ADGRG6: variants seen among roughly 807,000 people sequenced by gnomAD.
ADGRG6 encodes the protein adhesion G protein-coupled receptor G6, also known as G-protein coupled receptor 126.
A neutral mutation model predicts 142.4 loss-of-function variants in ADGRG6; 84 were observed. The ratio of observed to expected loss-of-function variants is 0.59; its 90% confidence interval spans 0.49 to 0.71. The LOEUF (loss-of-function observed/expected upper bound fraction) is 0.71, where lower values mean the gene tolerates loss of function less well. Ranked by LOEUF, ADGRG6 falls within the 30% of genes least tolerant of loss-of-function variation. The pLI is 0.00. For missense variants in ADGRG6, 1,367 were observed against 1,466.6 expected, an observed-to-expected ratio of 0.93 and a Z score of 1.11; for synonymous variants, 521 against 520.5, an observed-to-expected ratio of 1.00 and a Z score of -0.01.
chr6:142,374,873 T>G (rs1205860385), intron 4 of ADGRG6, among the ~76,000 whole-genome samples: 1 of 152,242 alleles, frequency 6.6e-6, no homozygotes. Context: ...TATGAGCTAA[T>G]TAACTTTCAT....
intron 2 of ADGRG6, among the ~76,000 whole-genome samples, chr6:142,314,606 T>C (rs913140066): frequency 2.0e-5 from 3 of 152,182 alleles, no homozygotes; most frequent in African/African-American, 7.2e-5. Flanking sequence ...CGTGTATCAA[T>C]TTGTTTGTTT....
intron 2 of ADGRG6, among the ~76,000 whole-genome samples, chr6:142,338,254 C>T (rs569158969): frequency 9.3e-5 from 14 of 150,864 alleles, no homozygotes; most frequent in South Asian, 2.1e-4. Context: ...GTGATCCGTC[C>T]GCCTCGGCCT....
At chr6:142,335,896 G>A (rs943208837) in intron 2 of ADGRG6, among the ~76,000 whole-genome samples, 19 of 152,138 alleles carry the variant, frequency 1.2e-4, no homozygotes, top group African/African-American at 4.6e-4. Context: ...GATCCTTTGG[G>A]AGCCCCTGTA....
At chr6:142,384,594 A>G (rs1215603978) in intron 6 of ADGRG6, among the ~76,000 whole-genome samples, 1 of 152,178 alleles carries the variant, frequency 6.6e-6, no homozygotes, top group Non-Finnish European at 1.5e-5. Context: ...TTCTTCTAAT[A>G]AAAGAGAAAT....
chr6:142,419,434 C>G (rs761631956), intron 21 of ADGRG6, among the ~76,000 whole-genome samples: 1 of 152,116 alleles, frequency 6.6e-6, no homozygotes, highest in African/African-American at 2.4e-5. Context: ...TGTCATACAG[C>G]CACTCCTTAA....
intron 22 of ADGRG6, among the ~76,000 whole-genome samples, chr6:142,433,167 C>T (rs769905523): frequency 3.3e-5 from 5 of 152,130 alleles, no homozygotes; most frequent in Non-Finnish European, 7.4e-5. Context: ...ATTCTGACCC[C>T]GTTAAGGGAA....
chr6:142,355,869 C>A (rs1268403665), intron 2 of ADGRG6, among the ~76,000 whole-genome samples: 1 of 151,856 alleles, frequency 6.6e-6, no homozygotes, highest in Non-Finnish European at 1.5e-5. Flanking sequence ...TTATACTGTC[C>A]TGGAAAGTTA....
chr6:142,422,190 T>C (rs1776688247), intron 22 of ADGRG6, among the ~76,000 whole-genome samples: 1 of 152,022 alleles, frequency 6.6e-6, no homozygotes. Flanking sequence ...ATACTTTAAG[T>C]TTTAGGGTAC....
At chr6:142,348,571 T>C (rs1036202865) in intron 2 of ADGRG6, among the ~76,000 whole-genome samples, 1 of 152,012 alleles carries the variant, frequency 6.6e-6, no homozygotes, top group African/African-American at 2.4e-5. Flanking sequence ...ACTTCTTCCA[T>C]GTGCTTCAAA....
intron 22 of ADGRG6, among the ~76,000 whole-genome samples, chr6:142,427,437 A>G (rs1469691154): frequency 6.6e-6 from 1 of 152,104 alleles, no homozygotes; most frequent in Non-Finnish European, 1.5e-5. Context: ...CCTTGACCTT[A>G]TTGTCCATAT....
intron 22 of ADGRG6, among the ~76,000 whole-genome samples, chr6:142,424,723 T>A (rs186549207): frequency 6.6e-6 from 1 of 152,224 alleles, no homozygotes; most frequent in East Asian, 1.9e-4. Context: ...TTTCTATTGA[T>A]TGGAATAATT....
At chr6:142,409,826 A>G (rs1583110580) in intron 16 of ADGRG6, 48 bp from the exon 17 acceptor site, 2 of 816,860 alleles carry the variant, frequency 2.4e-6, no homozygotes, top group South Asian at 1.8e-5. Context: ...TATTTAAATC[A>G]TGGCATTTTA....
At position 142,445,645 on chromosome 6, in the gene ADGRG6, T is replaced by C. The variant is rs1476783176; in HGVS notation, c.*2130T>C. 1 of 152,084 alleles carries C rather than the reference T, an allele frequency of 6.6e-6. No homozygotes were observed. Among genetic ancestry groups the C allele is most frequent in the East Asian group, 1.9e-4 (1 of 5,198 alleles). The allele number at this position is 152,084 out of a possible 1,614,324, so 9.4% of individuals were successfully genotyped here. A position where few individuals can be genotyped will look rare whatever the true frequency, so the allele number is the denominator to read the frequency against. On this transcript the variant is annotated 3_prime_UTR_variant, in exon 25 of 25. Transcript: ENST00000367609. ...ACCAGATGAGAAAAAAATTAAGAAATTGCTCAAGGGAAACATTTGTAAATG... is the reference window on the plus strand; with the variant it reads ...ACCAGATGAGAAAAAAATTAAGAAACTGCTCAAGGGAAACATTTGTAAATG...
chr6:142,402,832 T>A lies in ADGRG6; in HGVS notation c.1955+2T>A. On this transcript the variant is annotated splice_donor_variant, in intron 13 of 24. Transcript: ENST00000367609. LOFTEE classifies it high-confidence loss of function. ...TGACTTGCTTGAGTCATCTTCTGAG[T>A]AAGTATTTTTTTTTTCCTGGAGAGT... 6.6e-7 allele frequency: 1 copy of A among 1,517,800 alleles called. No individual in the cohort carries two copies. Among genetic ancestry groups the A allele is most frequent in the Non-Finnish European group, 9.0e-7 (1 of 1,114,836 alleles). 94.0% of individuals were successfully genotyped at this position (1,517,800 alleles called of 1,614,324 possible). A position where few individuals can be genotyped will look rare whatever the true frequency, so the allele number is the denominator to read the frequency against.
chr6:142,338,038 T>TTTTTTTTTTTTTTTTTTTTTTAA, intron 2 of ADGRG6, among the ~76,000 whole-genome samples: 1 of 123,690 alleles, frequency 8.1e-6, no homozygotes, highest in Non-Finnish European at 1.7e-5. Flanking sequence ...TTTTTTTTTT[T>TTTTTTTTTTTTTTTTTTTTTTAA]GAGACGGAGT....
intron 2 of ADGRG6, among the ~76,000 whole-genome samples, chr6:142,349,509 G>T (rs536222564): frequency 6.6e-6 from 1 of 152,210 alleles, no homozygotes; most frequent in Non-Finnish European, 1.5e-5. Flanking sequence ...TAGGTGAGGT[G>T]TCTCTCTTCA....
At chr6:142,311,645 TTTA>T (rs1006886647) in intron 2 of ADGRG6, among the ~76,000 whole-genome samples, 1 of 152,000 alleles carries the variant, frequency 6.6e-6, no homozygotes, top group African/African-American at 2.4e-5. Flanking sequence ...TATATCCCTG[TTTA>T]CACTTTTGTT....
chr6:142,400,518 A>G lies in ADGRG6; in HGVS notation c.1601A>G (p.Tyr534Cys), dbSNP rs372666875. Residue 534 changes from tyrosine (Y) to cysteine (C), a missense_variant, in exon 11 of 25, where the codon TAC becomes TGC. Transcript: ENST00000367609. ...HCLAMEEPKG[Y>C]YWPSIQPSEY... ...CTTGCCATGGAGGAACCCAAAGGCT[A>G]CTACTGGCCATCTATCCAACCTTCT... 26 of 1,597,344 alleles carry G rather than the reference A, an allele frequency of 1.6e-5. No individual in the cohort carries two copies. The African/African-American group carries it at 3.1e-4, about 19-fold the overall frequency.
At chr6:142,436,386 G>A (rs78087780) in intron 22 of ADGRG6, among the ~76,000 whole-genome samples, 10,942 of 152,184 alleles carry the variant, frequency 0.072, 550 homozygotes, top group East Asian at 0.25. Flanking sequence ...CTGCCGAGAC[G>A]TCTAGTAAAG....
Sources: allele counts gnomAD v4.1 joint callset (sites outside exome capture counted in the v4.1 genomes callset), GRCh38; gene constraint gnomAD v4.1.1; transcripts MANE v1.5; gene names NCBI Gene and HGNC (gene_info 2026-07-23, HGNC 2026-07-21).